The following KCTD16 variants were observed in gnomAD, a reference collection of about 807,000 sequenced individuals.
KCTD16 encodes the protein BTB/POZ domain-containing protein KCTD16.
Under a neutral mutation model 33.2 loss-of-function variants are expected in KCTD16, and 13 were observed. The ratio of observed to expected loss-of-function variants is 0.39; its 90% CI spans 0.25 to 0.62. The LOEUF (loss-of-function observed/expected upper bound fraction) is 0.62. KCTD16 is among the 20% of genes least tolerant of loss of function. The probability of loss-of-function intolerance (pLI) is 0.50; values close to 1 mark genes in which losing one functional copy is unlikely to be tolerated. For missense variants in KCTD16, 441 were observed against 525.1 expected (o/e 0.84, Z 1.57); for synonymous variants, 197 against 195.3 (o/e 1.01, Z -0.07).
At chr5:144,236,333 G>A (rs2126817144) in intron 3 of KCTD16, among the ~76,000 whole-genome samples, 1 of 152,212 alleles carries the variant, frequency 6.6e-6, no homozygotes, top group Middle Eastern at 3.4e-3. Flanking sequence ...CAGTTGGCCT[G>A]ATAAGTTGGG....
At chr5:144,372,184 T>G (rs963764139) in intron 3 of KCTD16, among the ~76,000 whole-genome samples, 2 of 151,570 alleles carry the variant, frequency 1.3e-5, no homozygotes, top group African/African-American at 4.9e-5. Flanking sequence ...TTTGGAAAAT[T>G]TGTGTAACCC....
chr5:144,271,390 T>G (rs556496561), intron 3 of KCTD16, among the ~76,000 whole-genome samples: 1 of 152,014 alleles, frequency 6.6e-6, no homozygotes, highest in African/African-American at 2.4e-5. Context: ...ATTAATAGAA[T>G]GAAGGAAAAA....
intron 3 of KCTD16, among the ~76,000 whole-genome samples, chr5:144,465,655 T>A (rs1754312317): frequency 6.6e-6 from 1 of 152,120 alleles, no homozygotes. Flanking sequence ...CATTTTCTGG[T>A]CAACCCTCAT....
chr5:144,472,128 G>C (rs1021458121), intron 3 of KCTD16, among the ~76,000 whole-genome samples: 1 of 152,194 alleles, frequency 6.6e-6, no homozygotes, highest in African/African-American at 2.4e-5. Flanking sequence ...ATGAGAATAA[G>C]ATATAGTGTA....
At chr5:144,272,544 G>A (rs144422309) in intron 3 of KCTD16, among the ~76,000 whole-genome samples, 5 of 152,230 alleles carry the variant, frequency 3.3e-5, no homozygotes, top group African/African-American at 9.6e-5. Context: ...AGCTGGAAAA[G>A]TAATACTACA....
At chr5:144,405,662 C>T (rs1008175640) in intron 3 of KCTD16, among the ~76,000 whole-genome samples, 2 of 152,176 alleles carry the variant, frequency 1.3e-5, no homozygotes, top group Non-Finnish European at 2.9e-5. Context: ...GAACTTGTAG[C>T]TCCAGGGCCA....
intron 3 of KCTD16, among the ~76,000 whole-genome samples, chr5:144,360,271 C>T (rs571542369): frequency 3.0e-4 from 45 of 152,194 alleles, no homozygotes; most frequent in African/African-American, 1.1e-3. Context: ...CCCCAAGAGG[C>T]CCCAGTGTGT....
intron 3 of KCTD16, among the ~76,000 whole-genome samples, chr5:144,286,350 G>A (rs567856073): frequency 6.6e-6 from 1 of 152,120 alleles, no homozygotes; most frequent in African/African-American, 2.4e-5. Flanking sequence ...TGTCATTTTT[G>A]AGAATTATCA....
chr5:144,205,251 C>T, intron 2 of KCTD16: 1 of 305,714 alleles, frequency 3.3e-6, no homozygotes, highest in Non-Finnish European at 6.0e-6. Flanking sequence ...AGCGCGGCGT[C>T]CCCGTGCAGT....
chr5:144,410,999 A>G lies in KCTD16; in HGVS notation c.833-62661A>G, dbSNP rs73795543. On this transcript the variant is annotated intron_variant, in intron 3 of 3. Coordinates refer to ENST00000512467, the MANE Select transcript of KCTD16 (RefSeq NM_020768.4). ...TAGTGTTTTTAGAAAGATAAGATCTATACCCAAAATCTATAAAGCACTGAT... is the reference window on the plus strand; with the variant it reads ...TAGTGTTTTTAGAAAGATAAGATCTGTACCCAAAATCTATAAAGCACTGAT... Among the ~76,000 whole-genome samples, 408 of 152,308 alleles carry G rather than the reference A, an allele frequency of 2.7e-3. 3 individuals carry two copies. Among genetic ancestry groups the G allele is most frequent in the African/African-American group, 9.2e-3 (384 of 41,580 alleles).
intron 3 of KCTD16, among the ~76,000 whole-genome samples, chr5:144,275,249 A>G (rs1274866967): frequency 6.6e-6 from 1 of 152,146 alleles, no homozygotes; most frequent in Non-Finnish European, 1.5e-5. Flanking sequence ...GGTCTGGACA[A>G]CCACACACCT....
intron 2 of KCTD16, among the ~76,000 whole-genome samples, chr5:144,180,007 G>T (rs1752584944): frequency 6.6e-6 from 1 of 152,170 alleles, no homozygotes. Context: ...CTGGAGAAAT[G>T]CTCCTGTTCC....
At chr5:144,360,819 G>C (rs546016003) in intron 3 of KCTD16, among the ~76,000 whole-genome samples, 2 of 151,974 alleles carry the variant, frequency 1.3e-5, no homozygotes, top group East Asian at 1.9e-4. Context: ...CATTTGGGTT[G>C]GTTCCAACTC....
chr5:144,327,021 G>A (rs1441890584), intron 3 of KCTD16, among the ~76,000 whole-genome samples: 1 of 152,122 alleles, frequency 6.6e-6, no homozygotes, highest in Admixed American at 6.6e-5. Context: ...TTGATAGAGT[G>A]CGGGAACTAA....
rs1368502711 is a variant in KCTD16, at chr5:144,483,834, C to T, written c.*9720C>T. ...CAGGTGTGCCCACACAACAGAAGCA[C>T]TTGTAAACTAATTAAGCACGGTCAC... On this transcript the variant is annotated 3_prime_UTR_variant, in exon 4 of 4. Transcript: ENST00000512467. 2 of 151,964 alleles carry T rather than the reference C, an allele frequency of 1.3e-5. No individual in the cohort carries two copies. The highest frequency in any genetic ancestry group is 6.6e-5 in the Admixed American group (1 of 15,236). 9.4% of individuals were successfully genotyped at this position (151,964 alleles called of 1,614,324 possible).
At chr5:144,299,069 T>A (rs1756131198) in intron 3 of KCTD16, among the ~76,000 whole-genome samples, 1 of 80,396 alleles carries the variant, frequency 1.2e-5, no homozygotes, top group Non-Finnish European at 2.3e-5. Flanking sequence ...TATATATATA[T>A]ATATTTTTGT....
rs201201619 is a variant in KCTD16 at position 144,473,997 on chromosome 5, A to G, written c.1170A>G (p.Ser390=). The change falls in exon 4 of 4, where the codon TCA becomes TCG. Residue 390 remains serine, a synonymous_variant. Transcript: ENST00000512467. ...SKKKAVKEKL[S]IEEELEKCIQ... is the part of the protein sequence containing the mutation. ...AAAAAGCTGTTAAAGAAAAGCTCTC[A>G]ATTGAGGAGGAGCTGGAGAAATGTA... 1.5e-4 allele frequency: 247 copies of G among 1,614,094 alleles called. No homozygotes were observed. The highest frequency in any genetic ancestry group is 1.9e-4 in the Non-Finnish European group (222 of 1,179,974).
chr5:144,407,460 G>A (rs376251951), intron 3 of KCTD16, among the ~76,000 whole-genome samples: 4 of 151,932 alleles, frequency 2.6e-5, no homozygotes, highest in East Asian at 1.9e-4. Context: ...GGGGTTTAGC[G>A]TACATATTAT....
chr5:144,384,334 G>A (rs1183985156), intron 3 of KCTD16: 1 of 152,186 alleles, frequency 6.6e-6, no homozygotes, highest in East Asian at 1.9e-4. Context: ...GGCTAAGGAA[G>A]AAGTGGGAAA....
Sources: gnomAD v4.1 joint callset for allele counts (sites outside exome capture counted in the v4.1 genomes callset) on GRCh38, gnomAD v4.1.1 for gene constraint, MANE v1.5 for transcripts, NCBI Gene and HGNC (gene_info 2026-07-23, HGNC 2026-07-21) for gene names.